The following AGBL3 variants were observed in gnomAD, a reference collection of about 807,000 sequenced individuals.
The protein encoded by AGBL3 is cytosolic carboxypeptidase 3.
AGBL3 carries 68 observed loss-of-function variants against 94.5 expected under a neutral mutation model. The ratio of observed to expected loss-of-function variants is 0.72; its 90% CI spans 0.59 to 0.88. AGBL3 has a LOEUF of 0.88. AGBL3 is among the 40% of genes least tolerant of loss of function. AGBL3 has a pLI of 0.00. For missense variants in AGBL3, 934 were observed against 1,103.8 expected (o/e 0.85, Z 2.18); for synonymous variants, 354 against 370.7 (o/e 0.95, Z 0.52).
At position 135,026,620 on chromosome 7, in the gene AGBL3, C is replaced by T. The variant is rs188088365; in HGVS notation, c.419-6224C>T. On this transcript the variant is annotated intron_variant, in intron 5 of 16. Coordinates refer to ENST00000436302, the MANE Select transcript of AGBL3 (RefSeq NM_178563.4). The stretch of plus-strand genomic sequence containing the variant: ...ATATTTCTTTTTATCTCTGGCATTA[C>T]ATCATGTCTTTATGTTGTTTGAGAG... Among the ~76,000 whole-genome samples, 337 of 151,756 alleles carry T rather than the reference C, an allele frequency of 2.2e-3. 1 individual carries two copies. The highest frequency in any genetic ancestry group is 7.7e-3 in the African/African-American group (318 of 41,560).
chr7:135,131,590 G>C (rs1426183987), intron 16 of AGBL3, among the ~76,000 whole-genome samples: 1 of 151,886 alleles, frequency 6.6e-6, no homozygotes, highest in African/African-American at 2.4e-5. Context: ...AACTGCATAT[G>C]CTAAAAAATG....
intron 12 of AGBL3, among the ~76,000 whole-genome samples, chr7:135,075,217 C>T (rs562494443): frequency 2.9e-4 from 44 of 152,310 alleles, no homozygotes; most frequent in South Asian, 2.7e-3. Flanking sequence ...TACCCACTCC[C>T]TCCTGTCCTT....
At chr7:135,023,419 G>A (rs1436717417) in intron 5 of AGBL3, among the ~76,000 whole-genome samples, 2 of 152,164 alleles carry the variant, frequency 1.3e-5, no homozygotes, top group African/African-American at 4.8e-5. Flanking sequence ...CTAGGGAAGA[G>A]GCAAGTGAAG....
At chr7:135,128,642 G>C (rs1263038358) in intron 16 of AGBL3, 3 of 891,900 alleles carry the variant, frequency 3.4e-6, no homozygotes, top group South Asian at 1.4e-5. Context: ...CGTTTGCCTG[G>C]ATGCAATTTC....
intron 15 of AGBL3, among the ~76,000 whole-genome samples, chr7:135,096,433 G>GAA (rs1352606742): frequency 5.7e-5 from 7 of 123,606 alleles, no homozygotes; most frequent in African/African-American, 1.7e-4. Flanking sequence ...GAAAGAAAGA[G>GAA]ATATATATGG....
At chr7:135,115,646 TA>T (rs1326208576) in intron 16 of AGBL3, 35 bp downstream of exon 16, 15 of 1,425,874 alleles carry the variant, frequency 1.1e-5, no homozygotes, top group Admixed American at 7.5e-5. Context: ...CTTATCTATT[TA>T]ACACATCTTT....
intron 11 of AGBL3, among the ~76,000 whole-genome samples, chr7:135,049,564 GATTT>G (rs1249202611): frequency 2.0e-5 from 3 of 151,888 alleles, no homozygotes. Flanking sequence ...TTTGTTAAGA[GATTT>G]TCGATTACTG....
At chr7:135,069,922 C>G (rs1778317973) in intron 12 of AGBL3, among the ~76,000 whole-genome samples, 1 of 152,108 alleles carries the variant, frequency 6.6e-6, no homozygotes, top group African/African-American at 2.4e-5. Flanking sequence ...TTCAAAAAAT[C>G]AATGAATCCA....
At chr7:135,039,790 T>A (rs1312912102) in intron 8 of AGBL3, among the ~76,000 whole-genome samples, 1 of 150,740 alleles carries the variant, frequency 6.6e-6, no homozygotes, top group East Asian at 1.9e-4. Context: ...ACATTAAGAA[T>A]AGAAAAAGAA....
At chr7:135,005,041 T>C (rs887595847) in intron 4 of AGBL3, among the ~76,000 whole-genome samples, 1 of 151,844 alleles carries the variant, frequency 6.6e-6, no homozygotes, top group East Asian at 1.9e-4. Flanking sequence ...GGAACCCATA[T>C]GGCCATCAAC....
intron 15 of AGBL3, among the ~76,000 whole-genome samples, chr7:135,096,734 AG>A (rs1822893130): frequency 4.5e-5 from 4 of 89,264 alleles, no homozygotes; most frequent in Non-Finnish European, 7.4e-5. Flanking sequence ...AGAAAGAAAG[AG>A]AAAGAATGAA....
intron 12 of AGBL3, 105 bp from the exon 13 acceptor site, chr7:135,076,292 T>C: frequency 1.1e-6 from 1 of 883,030 alleles, no homozygotes; most frequent in Non-Finnish European, 1.8e-6. Flanking sequence ...AATAAAGTAC[T>C]TCTCATCTTC....
At chr7:135,009,215 G>A (rs1423306899) in intron 4 of AGBL3, among the ~76,000 whole-genome samples, 1 of 152,244 alleles carries the variant, frequency 6.6e-6, no homozygotes, top group East Asian at 1.9e-4. Flanking sequence ...CCACATGGTG[G>A]AAACAACCCA....
At chr7:135,067,508 C>T (rs1056888012) in intron 12 of AGBL3, among the ~76,000 whole-genome samples, 18 of 152,184 alleles carry the variant, frequency 1.2e-4, no homozygotes, top group Non-Finnish European at 4.4e-5. Context: ...CAGACTGACA[C>T]CTCACACGGC....
chr7:135,034,303 G>T lies in AGBL3; in HGVS notation c.712G>T (p.Gly238Cys), dbSNP rs769446728. 1 of 1,551,688 alleles carries T rather than the reference G, an allele frequency of 6.4e-7. No individual in the cohort carries two copies. Among genetic ancestry groups the T allele is most frequent in the Non-Finnish European group, 8.7e-7 (1 of 1,146,990 alleles). Residue 238 changes from glycine (G) to cysteine (C), a missense_variant, in exon 7 of 17, where the codon GGT becomes TGT. Gly to Cys is a radical substitution (Grantham distance 159, BLOSUM62 -3). Around this residue, in one of 3 missense-constraint regions of AGBL3, gnomAD observed 488 missense variants for 563.6 expected, o/e 0.87. Transcript: ENST00000436302. ...FTKPASLYSRGMRPLFYSEKE... is the reference protein window; with the variant it reads ...FTKPASLYSRCMRPLFYSEKE... ...CAAACCTGCTAGTCTTTACAGTCGGGGTATGCGCCCACTGTTCTATTCTGA... is the reference window on the plus strand; with the variant it reads ...CAAACCTGCTAGTCTTTACAGTCGGTGTATGCGCCCACTGTTCTATTCTGA...
intron 12 of AGBL3, among the ~76,000 whole-genome samples, chr7:135,061,395 T>A (rs2116703304): frequency 6.6e-6 from 1 of 152,232 alleles, no homozygotes; most frequent in African/African-American, 2.4e-5. Context: ...TTTGATGTAA[T>A]CCCATGTATC....
chr7:135,027,075 G>C (rs1399839688), intron 5 of AGBL3, among the ~76,000 whole-genome samples: 2 of 151,572 alleles, frequency 1.3e-5, no homozygotes, highest in Non-Finnish European at 2.9e-5. Context: ...TGGAGACAGA[G>C]CCTCGCTCTG....
At chr7:135,077,051 C>T (rs75903632) in intron 13 of AGBL3, among the ~76,000 whole-genome samples, 1 of 152,174 alleles carries the variant, frequency 6.6e-6, no homozygotes, top group Non-Finnish European at 1.5e-5. Flanking sequence ...TACCCCCACC[C>T]GACTCTGCAG....
At chr7:135,014,258 T>A (rs1813510116) in intron 4 of AGBL3, among the ~76,000 whole-genome samples, 1 of 148,712 alleles carries the variant, frequency 6.7e-6, no homozygotes, top group African/African-American at 2.5e-5. Context: ...TTCTGCATAA[T>A]GAGATTGTGG....
Sources: gnomAD v4.1 joint callset for allele counts (sites outside exome capture counted in the v4.1 genomes callset) on GRCh38, gnomAD v4.1.1 for gene constraint, gnomAD v4.1.1 regional missense constraint, MANE v1.5 for transcripts, NCBI Gene and HGNC (gene_info 2026-07-23, HGNC 2026-07-21) for gene names.